Variants in ICA1L observed in about 807,000 individuals in gnomAD.
ICA1L encodes islet cell autoantigen 1-like protein.
ICA1L carries 50 observed loss-of-function variants against 61.3 expected under a neutral mutation model. That is an observed-to-expected ratio of 0.82 (90% confidence interval 0.65 to 1.03). The LOEUF (loss-of-function observed/expected upper bound fraction) is 1.03. ICA1L is among the 50% of genes least tolerant of loss of function. The pLI is 0.00. For missense variants in ICA1L, 508 were observed against 556.7 expected, an observed-to-expected ratio of 0.91 and a Z score of 0.88; for synonymous variants, 161 against 191.3, an observed-to-expected ratio of 0.84 and a Z score of 1.31.
intron 2 of ICA1L, among the ~76,000 whole-genome samples, chr2:202,827,450 A>AT (rs1181887790): frequency 6.6e-6 from 1 of 151,970 alleles, no homozygotes; most frequent in Non-Finnish European, 1.5e-5. Context: ...ATGCTTGATT[A>AT]TTTTTTCCAT....
intron 11 of ICA1L, among the ~76,000 whole-genome samples, chr2:202,788,573 C>G (rs1692656605): frequency 6.6e-6 from 1 of 152,090 alleles, no homozygotes; most frequent in Non-Finnish European, 1.5e-5. Flanking sequence ...TGTTTTAAAC[C>G]AGATGCCTGG....
intron 12 of ICA1L, among the ~76,000 whole-genome samples, chr2:202,783,727 A>G (rs1297591985): frequency 2.6e-5 from 4 of 152,242 alleles, no homozygotes; most frequent in Non-Finnish European, 5.9e-5. Context: ...AATAAGATCT[A>G]CAGTAGATAA....
rs1239923118 is a variant in ICA1L, at chr2:202,785,986, G to C, written c.1265C>G (p.Ser422Ter). 15 of 1,608,044 alleles carry C rather than the reference G, an allele frequency of 9.3e-6. No individual in the cohort carries two copies. The highest frequency in any genetic ancestry group is 1.3e-5 in the Non-Finnish European group (15 of 1,175,336). Residue 422 changes from serine to a stop codon, truncating the protein, a stop_gained, in exon 12 of 13, where the codon TCA (serine) becomes TGA (stop). Coordinates refer to ENST00000358299, the MANE Select transcript of ICA1L (RefSeq NM_001288622.3). LOFTEE classifies it high-confidence loss of function. The part of the protein sequence containing the change: ...AFNNWVSQEE[S>*]ELCLSHTDNQ... The stretch of plus-strand genomic sequence containing the variant: ...ATCAGTGTGTGAAAGACAAAGTTCT[G>C]ATTCCTCTTGGGAGACCCAGTCTGG...
At chr2:202,841,087 TCTC>T (rs1694317033) in intron 1 of ICA1L, 1 of 638,822 alleles carries the variant, frequency 1.6e-6, no homozygotes, top group African/African-American at 1.8e-5. Context: ...AGCTTCTGGA[TCTC>T]CTCTTCATAC....
chr2:202,830,475 G>A (rs998920547), intron 1 of ICA1L, among the ~76,000 whole-genome samples: 3 of 152,106 alleles, frequency 2.0e-5, no homozygotes, highest in Non-Finnish European at 2.9e-5. Context: ...GGCTATATAA[G>A]GAAATGCAGA....
intron 11 of ICA1L, among the ~76,000 whole-genome samples, chr2:202,787,588 T>C (rs1039496902): frequency 6.6e-6 from 1 of 152,250 alleles, no homozygotes; most frequent in South Asian, 2.1e-4. Flanking sequence ...ATTTAGTTTA[T>C]TAATTGAGCT....
At chr2:202,855,297 T>A (rs1694737891) in intron 1 of ICA1L, among the ~76,000 whole-genome samples, 1 of 151,424 alleles carries the variant, frequency 6.6e-6, no homozygotes, top group South Asian at 2.1e-4. Context: ...ATAATTAAGA[T>A]CAGAGCAGAA....
intron 10 of ICA1L, among the ~76,000 whole-genome samples, chr2:202,796,398 G>T (rs1692926643): frequency 6.6e-6 from 1 of 152,180 alleles, no homozygotes; most frequent in African/African-American, 2.4e-5. Context: ...GCTTGAGAAA[G>T]ATATTCAAGG....
Position 202,776,559 on chromosome 2 carries a change from C to T in ICA1L, c.*2974G>A, listed in dbSNP as rs1407917361. On this transcript the variant is annotated 3_prime_UTR_variant, in exon 13 of 13. Coordinates refer to ENST00000358299, the MANE Select transcript of ICA1L (RefSeq NM_001288622.3). ...TCAGTGTGGTGGTTTTTTATATTAG[C>T]AGTATTGGTTTAATAGAGCAAAATT... 1 of 152,110 alleles carries T rather than the reference C, an allele frequency of 6.6e-6. No individual in the cohort carries two copies. Among genetic ancestry groups the T allele is most frequent in the African/African-American group, 2.4e-5 (1 of 41,416 alleles). 9.4% of individuals were successfully genotyped at this position (152,110 alleles called of 1,614,324 possible).
intron 9 of ICA1L, among the ~76,000 whole-genome samples, chr2:202,797,183 A>G (rs1209013309): frequency 8.2e-6 from 1 of 122,210 alleles, no homozygotes; most frequent in African/African-American, 2.8e-5. Flanking sequence ...TAAATGAAAC[A>G]TAATACCAGA....
At chr2:202,827,014 G>A (rs1046816764) in intron 2 of ICA1L, among the ~76,000 whole-genome samples, 13 of 152,172 alleles carry the variant, frequency 8.5e-5, no homozygotes, top group Admixed American at 7.9e-4. Context: ...TTTTCCTTAT[G>A]AGTTTAGACA....
intron 1 of ICA1L, among the ~76,000 whole-genome samples, chr2:202,834,975 C>T (rs1694107250): frequency 6.6e-6 from 1 of 151,906 alleles, no homozygotes; most frequent in Admixed American, 6.6e-5. Flanking sequence ...GGACCACAGG[C>T]AACACACCAA....
In ICA1L at chr2:202,774,321, C is replaced by G. The variant is rs551102700; in HGVS notation, c.*5212G>C. 1.4e-6 allele frequency: 2 copies of G among 1,468,416 alleles called. No homozygotes were observed. Among genetic ancestry groups the G allele is most frequent in the South Asian group, 1.4e-5 (1 of 73,332 alleles). 91.0% of individuals were successfully genotyped at this position (1,468,416 alleles called of 1,614,324 possible). On this transcript the variant is annotated 3_prime_UTR_variant, in exon 13 of 13. Coordinates refer to ENST00000358299, the MANE Select transcript of ICA1L (RefSeq NM_001288622.3). ...ACCGCGGACGGCGGCGCGCGCGTTC[C>G]CCGCAGCGCTGAGGCGAGCCTGCCG...
At chr2:202,784,712 C>G (rs1170565829) in intron 12 of ICA1L, among the ~76,000 whole-genome samples, 1 of 152,070 alleles carries the variant, frequency 6.6e-6, no homozygotes, top group East Asian at 1.9e-4. Flanking sequence ...TGAAATAAGC[C>G]AGTCACAAAA....
Position 202,774,085 on chromosome 2 carries a change from A to C in ICA1L, c.*5448T>G. Reference sequence around the variant, plus strand: ...CATCCTAGCTGCCTAATATGATAATATTAGGAATCCCATCAATGATTGGAT... The same window carrying C: ...CATCCTAGCTGCCTAATATGATAATCTTAGGAATCCCATCAATGATTGGAT... On this transcript the variant is annotated 3_prime_UTR_variant, in exon 13 of 13. Transcript: ENST00000358299. The C allele has an allele frequency of 9.4e-7, 1 of 1,068,110 alleles. No individual in the cohort carries two copies. The highest frequency in any genetic ancestry group is 1.4e-6 in the Non-Finnish European group (1 of 712,558). The allele number at this position is 1,068,110 out of a possible 1,614,324, so 66.2% of individuals were successfully genotyped here.
At chr2:202,803,284 C>A (rs933988817) in intron 9 of ICA1L, among the ~76,000 whole-genome samples, 2 of 151,212 alleles carry the variant, frequency 1.3e-5, no homozygotes, top group Non-Finnish European at 2.9e-5. Flanking sequence ...GCCTGTAATC[C>A]CAGCTACTCA....
intron 9 of ICA1L, among the ~76,000 whole-genome samples, chr2:202,800,843 AAC>A (rs1192006782): frequency 6.6e-6 from 1 of 152,196 alleles, no homozygotes; most frequent in African/African-American, 2.4e-5. Context: ...TTAAAAGGAA[AAC>A]ACATTTAAAA....
At chr2:202,788,282 G>A (rs2105821030) in intron 11 of ICA1L, among the ~76,000 whole-genome samples, 1 of 152,272 alleles carries the variant, frequency 6.6e-6, no homozygotes, top group African/African-American at 2.4e-5. Context: ...GCTCTAAATG[G>A]CTCTGGTGTT....
At chr2:202,816,035 A>G in intron 6 of ICA1L, 26 bp from the exon 7 acceptor site, 5 of 1,435,280 alleles carry the variant, frequency 3.5e-6, no homozygotes, top group Non-Finnish European at 4.8e-6. Context: ...AGGTGACACT[A>G]CAGTTCTGCT....
Sources: gnomAD v4.1 joint callset for allele counts (sites outside exome capture counted in the v4.1 genomes callset) on GRCh38, gnomAD v4.1.1 for gene constraint, MANE v1.5 for transcripts, NCBI Gene and HGNC (gene_info 2026-07-23, HGNC 2026-07-21) for gene names.